The following PPFIA2 variants were observed in gnomAD, a reference collection of about 807,000 sequenced individuals.
PPFIA2 encodes the protein PPFI scaffold protein A2.
A neutral mutation model predicts 175.5 loss-of-function variants in PPFIA2; 46 were observed. The ratio of observed to expected loss-of-function variants is 0.26; its 90% CI spans 0.21 to 0.34. The LOEUF is 0.34. PPFIA2 is among the 10% of genes least tolerant of loss of function. The probability of loss-of-function intolerance (pLI) is 1.00; values close to 1 mark genes in which losing one functional copy is unlikely to be tolerated. For synonymous variants in PPFIA2, 568 were observed against 511.4 expected (o/e 1.11, Z -1.49); for missense variants, 1,179 against 1,506.1 (o/e 0.78, Z 3.60).
chr12:81,298,582 G>C (rs998864407), intron 23 of PPFIA2, among the ~76,000 whole-genome samples: 1 of 152,182 alleles, frequency 6.6e-6, no homozygotes, highest in African/African-American at 2.4e-5. Context: ...CTCACATAGA[G>C]AACTGAATAG....
At chr12:81,612,854 C>T (rs2061066700) in intron 4 of PPFIA2, among the ~76,000 whole-genome samples, 1 of 152,138 alleles carries the variant, frequency 6.6e-6, no homozygotes, top group Non-Finnish European at 1.5e-5. Flanking sequence ...AACATACACA[C>T]ACACAAATTT....
rs1354522468 is a variant in PPFIA2, at chr12:81,628,984, C to T, written c.303+47807G>A. On this transcript the variant is annotated intron_variant, in intron 4 of 32. Transcript: ENST00000549396. The stretch of plus-strand genomic sequence containing the variant: ...TACAATGGAGGAAAAGGACCACAGG[C>T]AGAGAGATGCTGAGCACACTGCCCT... 2.0e-5 allele frequency among the ~76,000 whole-genome samples: 3 copies of T among 152,218 alleles called. No homozygotes were observed. In the East Asian group the frequency reaches 5.8e-4, roughly 29 times the overall value.
At chr12:81,553,112 C>T (rs2068222281) in intron 4 of PPFIA2, among the ~76,000 whole-genome samples, 2 of 151,956 alleles carry the variant, frequency 1.3e-5, no homozygotes, top group East Asian at 1.9e-4. Flanking sequence ...AGAGAAGAAG[C>T]ATTAATCTCA....
At chr12:81,467,564 T>C (rs1380390144) in intron 4 of PPFIA2, among the ~76,000 whole-genome samples, 2 of 152,076 alleles carry the variant, frequency 1.3e-5, no homozygotes, top group Non-Finnish European at 2.9e-5. Context: ...TCAGTATCTA[T>C]GGAATTAGAA....
At chr12:81,419,712 C>T (rs2045921177) in intron 7 of PPFIA2, among the ~76,000 whole-genome samples, 1 of 151,860 alleles carries the variant, frequency 6.6e-6, no homozygotes, top group Non-Finnish European at 1.5e-5. Flanking sequence ...GTTGGATATT[C>T]AAGTTTGAGA....
chr12:81,707,490 T>A (rs1430814733), intron 3 of PPFIA2, among the ~76,000 whole-genome samples: 1 of 151,940 alleles, frequency 6.6e-6, no homozygotes, highest in Non-Finnish European at 1.5e-5. Flanking sequence ...TCACACCAGT[T>A]AGAATGGCAA....
chr12:81,740,008 A>G (rs2082139683), intron 3 of PPFIA2, among the ~76,000 whole-genome samples: 1 of 152,140 alleles, frequency 6.6e-6, no homozygotes, highest in South Asian at 2.1e-4. Flanking sequence ...GGGAGCCAAG[A>G]GCAATGAGAT....
intron 7 of PPFIA2, among the ~76,000 whole-genome samples, chr12:81,413,230 A>G (rs1158782242): frequency 2.0e-5 from 3 of 151,808 alleles, no homozygotes; most frequent in Non-Finnish European, 4.4e-5. Context: ...CTCTAGAAAT[A>G]TTTGTAGAAT....
At chr12:81,587,689 T>C (rs1284398315) in intron 4 of PPFIA2, among the ~76,000 whole-genome samples, 1 of 152,070 alleles carries the variant, frequency 6.6e-6, no homozygotes, top group Non-Finnish European at 1.5e-5. Flanking sequence ...CAATTTATAA[T>C]AATATTGTCT....
intron 3 of PPFIA2, among the ~76,000 whole-genome samples, chr12:81,691,141 G>A (rs116573662): frequency 1.3e-5 from 2 of 152,102 alleles, no homozygotes; most frequent in Non-Finnish European, 2.9e-5. Flanking sequence ...AATTAAAAAT[G>A]TAAGTTAGAA....
intron 4 of PPFIA2, among the ~76,000 whole-genome samples, chr12:81,547,368 T>A (rs1191024025): frequency 6.6e-6 from 1 of 152,106 alleles, no homozygotes; most frequent in African/African-American, 2.4e-5. Context: ...CTAACTTTTT[T>A]TTCTTTCCTT....
At chr12:81,285,374 T>C (rs2043068203) in intron 24 of PPFIA2, among the ~76,000 whole-genome samples, 1 of 152,124 alleles carries the variant, frequency 6.6e-6, no homozygotes, top group Admixed American at 6.6e-5. Flanking sequence ...ACATTACAAG[T>C]CATCACCATA....
chr12:81,657,241 A>T (rs966737652), intron 4 of PPFIA2, among the ~76,000 whole-genome samples: 7 of 152,200 alleles, frequency 4.6e-5, no homozygotes, highest in Non-Finnish European at 7.3e-5. Context: ...GGGGAAAGGG[A>T]AGAATCCCAA....
At chr12:81,673,276 C>CA (rs1419454883) in intron 4 of PPFIA2, among the ~76,000 whole-genome samples, 2 of 152,054 alleles carry the variant, frequency 1.3e-5, no homozygotes, top group Non-Finnish European at 1.5e-5. Flanking sequence ...AGATACATAA[C>CA]AGAGTTCATG....
chr12:81,423,290 A>T (rs902964275), intron 7 of PPFIA2, among the ~76,000 whole-genome samples: 1 of 152,154 alleles, frequency 6.6e-6, no homozygotes, highest in Non-Finnish European at 1.5e-5. Context: ...AATCAGAGAT[A>T]CTACAAGAGA....
chr12:81,308,887 C>A (rs566156793), intron 22 of PPFIA2, among the ~76,000 whole-genome samples: 70 of 152,166 alleles, frequency 4.6e-4, no homozygotes, highest in African/African-American at 1.7e-3. Flanking sequence ...TTGTAATAAC[C>A]ATACAAAATA....
intron 4 of PPFIA2, among the ~76,000 whole-genome samples, chr12:81,547,555 C>T (rs954540081): frequency 2.0e-5 from 3 of 151,864 alleles, no homozygotes; most frequent in African/African-American, 7.2e-5. Flanking sequence ...TTGTATTTTT[C>T]GTGGAGACGG....
At chr12:81,428,381 T>C (rs1167759553) in intron 7 of PPFIA2, among the ~76,000 whole-genome samples, 2 of 152,036 alleles carry the variant, frequency 1.3e-5, no homozygotes, top group African/African-American at 4.8e-5. Flanking sequence ...GACTTGGAAC[T>C]AGTAAAATTA....
intron 4 of PPFIA2, among the ~76,000 whole-genome samples, chr12:81,590,676 A>C (rs1022832924): frequency 6.6e-6 from 1 of 152,058 alleles, no homozygotes; most frequent in South Asian, 2.1e-4. Context: ...GAGTCTCACG[A>C]GATCTGATGG....
Sources: allele counts gnomAD v4.1 joint callset (sites outside exome capture counted in the v4.1 genomes callset), GRCh38; gene constraint gnomAD v4.1.1; transcripts MANE v1.5; gene names NCBI Gene and HGNC (gene_info 2026-07-23, HGNC 2026-07-21).